PLEKHF1: variants seen among roughly 807,000 people sequenced by gnomAD.
The protein encoded by PLEKHF1 is pleckstrin homology domain-containing family F member 1.
Under a neutral mutation model 4.1 loss-of-function variants are expected in PLEKHF1, and 1 was observed. That is an observed-to-expected ratio of 0.24 (90% CI 0.09 to 1.15). The LOEUF (loss-of-function observed/expected upper bound fraction) is 1.15. Among genes scored for constraint, PLEKHF1 ranks in the 50% most tolerant of loss-of-function variants. The pLI, the probability that PLEKHF1 is intolerant of heterozygous loss-of-function variation, is 0.52. For synonymous variants in PLEKHF1, 182 were observed against 178.5 expected (o/e 1.02, Z -0.16); for missense variants, 429 against 400.6 (o/e 1.07, Z -0.60).
At position 29,674,553 on chromosome 19, in the gene PLEKHF1, C is replaced by A; in HGVS notation, c.714C>A (p.Ile238=). ...AGCCAGCCCACCTGGCCCGGCCCATCTGCGGAGCGTCCAGTGGAGATGACG... is the reference window on the plus strand; with the variant it reads ...AGCCAGCCCACCTGGCCCGGCCCATATGCGGAGCGTCCAGTGGAGATGACG... ...PGQPAHLARP[I]CGASSGDDDD... Residue 238 remains isoleucine (I), a synonymous_variant, in exon 2 of 2, where the codon ATC becomes ATA. Transcript: ENST00000436066. 1 of 1,592,838 alleles carries A rather than the reference C, an allele frequency of 6.3e-7. No individual in the cohort carries two copies. Among genetic ancestry groups the A allele is most frequent in the African/African-American group, 1.3e-5 (1 of 74,622 alleles).
chr19:29,672,086 A>G (rs1170217972), intron 1 of PLEKHF1, among the ~76,000 whole-genome samples: 1 of 152,092 alleles, frequency 6.6e-6, no homozygotes, highest in Non-Finnish European at 1.5e-5. Flanking sequence ...GGAGCTAAGA[A>G]CTGAGCAGGG....
At chr19:29,668,395 C>A (rs1232081364) in intron 1 of PLEKHF1, among the ~76,000 whole-genome samples, 1 of 151,592 alleles carries the variant, frequency 6.6e-6, no homozygotes, top group Non-Finnish European at 1.5e-5. Flanking sequence ...AAGGGAGGTT[C>A]ACTTCCCTAG....
chr19:29,667,196 C>T (rs1476597028), intron 1 of PLEKHF1: 2 of 152,706 alleles, frequency 1.3e-5, no homozygotes, highest in East Asian at 3.9e-4. Flanking sequence ...TTCACTTCCT[C>T]CCAAGGCCTT....
At chr19:29,670,179 G>A (rs746402759) in intron 1 of PLEKHF1, among the ~76,000 whole-genome samples, 1 of 152,092 alleles carries the variant, frequency 6.6e-6, no homozygotes, top group Non-Finnish European at 1.5e-5. Flanking sequence ...TGATCTGCCC[G>A]CCTTGGCCTC....
At chr19:29,665,926 C>A in intron 1 of PLEKHF1, 3 of 571,034 alleles carry the variant, frequency 5.3e-6, no homozygotes, top group South Asian at 6.5e-5. Context: ...AGTCTGGAGG[C>A]CTGGATGGGA....
At position 29,674,200 on chromosome 19, in the gene PLEKHF1, G is replaced by A. The variant is rs1374359108; in HGVS notation, c.361G>A (p.Glu121Lys). ...VSAASATERQEWISHIEECVR... is the reference protein window; with the variant it reads ...VSAASATERQKWISHIEECVR... Reference sequence around the variant, plus strand: ...GGCCGCCTCCGCTACGGAGCGCCAGGAATGGATTAGCCACATCGAGGAGTG... The same window carrying A: ...GGCCGCCTCCGCTACGGAGCGCCAGAAATGGATTAGCCACATCGAGGAGTG... Residue 121 changes from glutamate to lysine, a missense_variant, in exon 2 of 2, where the codon GAA (glutamate) becomes AAA (lysine). Physicochemically the swap from Glu to Lys is moderately conservative, Grantham distance 56. Transcript: ENST00000436066. 1.2e-6 allele frequency: 2 copies of A among 1,613,022 alleles called. No homozygotes were observed. Among genetic ancestry groups the A allele is most frequent in the South Asian group, 1.1e-5 (1 of 91,088 alleles).
At position 29,674,743 on chromosome 19, in the gene PLEKHF1, C is replaced by A. The variant is rs534445528; in HGVS notation, c.*64C>A. On this transcript the variant is annotated 3_prime_UTR_variant, in exon 2 of 2. Coordinates refer to ENST00000436066, the MANE Select transcript of PLEKHF1 (RefSeq NM_024310.5). ...ACTGCCCAGGCCCCCAAGAGGGCAG[C>A]TCCAGAAGCTGCCCAGGGCTCCGGG... 1.0e-5 allele frequency: 15 copies of A among 1,506,486 alleles called. No individual in the cohort carries two copies. The East Asian group carries it at 3.3e-4, about 33-fold the overall frequency. 93.3% of individuals were successfully genotyped at this position (1,506,486 alleles called of 1,614,324 possible).
At chr19:29,672,108 A>G (rs1456709376) in intron 1 of PLEKHF1, among the ~76,000 whole-genome samples, 1 of 152,134 alleles carries the variant, frequency 6.6e-6, no homozygotes, top group African/African-American at 2.4e-5. Flanking sequence ...AGCAGAAAAC[A>G]CACAAGCAAT....
Position 29,674,148 on chromosome 19 carries a change from G to A in PLEKHF1, c.309G>A (p.Lys103=). The A allele has an allele frequency of 6.2e-7, 1 of 1,613,792 alleles. No individual in the cohort carries two copies. Among genetic ancestry groups the A allele is most frequent in the East Asian group, 2.2e-5 (1 of 44,884 alleles). The part of the protein sequence containing the change: ...TLQAKNRWMI[K]TAKKSFVVSA... ...AGGCCAAGAACCGCTGGATGATCAA[G>A]ACGGCCAAGAAGTCCTTTGTGGTGT... The change falls in exon 2 of 2, where the codon AAG becomes AAA. Residue 103 remains lysine (K), a synonymous_variant. Transcript: ENST00000436066.
chr19:29,665,581 C>G (rs1353199686), intron 1 of PLEKHF1, 76 bp downstream of exon 1: 3 of 1,238,550 alleles, frequency 2.4e-6, no homozygotes. Flanking sequence ...CCATCACCAC[C>G]CCCGGACAAG....
intron 1 of PLEKHF1, among the ~76,000 whole-genome samples, chr19:29,667,721 G>T (rs2866310): frequency 6.6e-5 from 10 of 151,734 alleles, no homozygotes; most frequent in African/African-American, 2.4e-4. Context: ...TGCTGTGTCC[G>T]GAGTAGGAGA....
At chr19:29,673,004 G>A (rs57601697) in intron 1 of PLEKHF1, among the ~76,000 whole-genome samples, 2,044 of 152,274 alleles carry the variant, frequency 0.013, 58 homozygotes, top group African/African-American at 0.047. Flanking sequence ...CACTCGGGAC[G>A]GCAGCATAGT....
chr19:29,668,940 G>A (rs1036581873), intron 1 of PLEKHF1, among the ~76,000 whole-genome samples: 1 of 152,138 alleles, frequency 6.6e-6, no homozygotes, highest in African/African-American at 2.4e-5. Flanking sequence ...GGGCACATGT[G>A]AGCCCCTGGC....
At chr19:29,673,286 G>A (rs867289117) in intron 1 of PLEKHF1, among the ~76,000 whole-genome samples, 9 of 152,092 alleles carry the variant, frequency 5.9e-5, no homozygotes, top group East Asian at 1.9e-4. Context: ...GGCACAGACC[G>A]TTCTGATGTC....
chr19:29,666,379 G>A (rs1242627378), intron 1 of PLEKHF1, among the ~76,000 whole-genome samples: 1 of 152,234 alleles, frequency 6.6e-6, no homozygotes, highest in Non-Finnish European at 1.5e-5. Flanking sequence ...GTTGTGAGCT[G>A]AGATGACTCT....
chr19:29,673,782 TG>T, intron 1 of PLEKHF1, 41 bp from the exon 2 acceptor site: 2 of 1,554,170 alleles, frequency 1.3e-6, no homozygotes, highest in Non-Finnish European at 1.7e-6. Context: ...GACACCCCCA[TG>T]CCTGAGCCTG....
intron 1 of PLEKHF1, among the ~76,000 whole-genome samples, chr19:29,668,340 A>G (rs117039489): frequency 0.023 from 3,549 of 152,224 alleles, 95 homozygotes; most frequent in South Asian, 0.13. Flanking sequence ...GCCGGCCCCA[A>G]ATGAGTAAGG....
At chr19:29,668,583 G>A (rs1379741176) in intron 1 of PLEKHF1, among the ~76,000 whole-genome samples, 2 of 151,988 alleles carry the variant, frequency 1.3e-5, no homozygotes, top group Non-Finnish European at 2.9e-5. Context: ...AGCCAGGCAT[G>A]TTGGTGCATG....
At chr19:29,672,922 G>T (rs528333739) in intron 1 of PLEKHF1, among the ~76,000 whole-genome samples, 2 of 152,054 alleles carry the variant, frequency 1.3e-5, no homozygotes, top group African/African-American at 4.8e-5. Context: ...AGCAGGGGGC[G>T]CCCGGCATGA....
Sources: gnomAD v4.1 joint callset for allele counts (sites outside exome capture counted in the v4.1 genomes callset) on GRCh38, gnomAD v4.1.1 for gene constraint, MANE v1.5 for transcripts, NCBI Gene and HGNC (gene_info 2026-07-23, HGNC 2026-07-21) for gene names.